Variants in NCOR1 observed in about 807,000 individuals in gnomAD.
NCOR1 encodes nuclear receptor corepressor 1.
NCOR1 carries 63 observed loss-of-function variants against 288.1 expected under a neutral mutation model. The ratio of observed to expected loss-of-function variants is 0.22; its 90% CI spans 0.18 to 0.27. The LOEUF is 0.27. Ranked by LOEUF, NCOR1 falls within the 10% of genes least tolerant of loss-of-function variation. The pLI is 1.00. For synonymous variants in NCOR1, 1,007 were observed against 1,065.9 expected, an observed-to-expected ratio of 0.94 and a Z score of 1.08; for missense variants, 2,397 against 3,019.2, an observed-to-expected ratio of 0.79 and a Z score of 4.83.
At chr17:16,196,947 G>A (rs1250116969) in intron 1 of NCOR1, among the ~76,000 whole-genome samples, 2 of 152,048 alleles carry the variant, frequency 1.3e-5, no homozygotes, top group Non-Finnish European at 2.9e-5. Context: ...AGCCCAGGAG[G>A]TCAAGACTGC....
chr17:16,031,520 G>A lies in NCOR1; in HGVS notation c.*776C>T, dbSNP rs566212236. The stretch of plus-strand genomic sequence containing the variant: ...AATTACCAGTGTGCGTAACAGTGAG[G>A]TATGCCTCAAATAAGCCTTTAAAAC... On this transcript the variant is annotated 3_prime_UTR_variant, in exon 46 of 46. Coordinates refer to ENST00000268712, the MANE Select transcript of NCOR1 (RefSeq NM_006311.4). The A allele has an allele frequency of 4.3e-5, 9 of 209,514 alleles. No homozygotes were observed. The East Asian group carries it at 6.5e-4, about 15-fold the overall frequency. The allele number at this position is 209,514 out of a possible 1,614,324, so 13.0% of individuals were successfully genotyped here. A position where few individuals can be genotyped will look rare whatever the true frequency, so the allele number is the denominator to read the frequency against.
chr17:16,206,709 G>C (rs930029921), intron 1 of NCOR1, among the ~76,000 whole-genome samples: 16 of 152,024 alleles, frequency 1.1e-4, no homozygotes, highest in Admixed American at 5.9e-4. Context: ...TCATGTACTA[G>C]AAATGGGATA....
Position 16,057,555 on chromosome 17 carries a change from T to C in NCOR1, c.6351A>G (p.Ser2117=), listed in dbSNP as rs1302753745. ...CCACAAGATTTTCTGGAGAGACCCTTGAACCTGGTCTTTGATGATGGACAG... is the reference window on the plus strand; with the variant it reads ...CCACAAGATTTTCTGGAGAGACCCTCGAACCTGGTCTTTGATGATGGACAG... The part of the protein sequence containing the change: ...AQSVHHQRPG[S]RVSPENLVDK... The change falls in exon 40 of 46, where the codon TCA becomes TCG. Residue 2117 remains serine, a synonymous_variant. Transcript: ENST00000268712. 1 of 1,614,176 alleles carries C rather than the reference T, an allele frequency of 6.2e-7. No individual in the cohort carries two copies.
chr17:16,149,556 A>C (rs2078542258), intron 8 of NCOR1, 39 bp from the exon 9 acceptor site: 4 of 1,078,864 alleles, frequency 3.7e-6, no homozygotes, highest in Admixed American at 2.4e-5. Context: ...ATTAAGAAAA[A>C]GCACAATTTA....
chr17:16,186,483 AT>A, intron 3 of NCOR1, 70 bp downstream of exon 3: 1 of 1,490,970 alleles, frequency 6.7e-7, no homozygotes, highest in Non-Finnish European at 9.0e-7. Flanking sequence ...AAGTAAAAAA[AT>A]AAAATAATGA....
At position 16,067,961 on chromosome 17, in the gene NCOR1, C is replaced by T; in HGVS notation, c.4674G>A (p.Glu1558=). 1 of 1,614,186 alleles carries T rather than the reference C, an allele frequency of 6.2e-7. No homozygotes were observed. Among genetic ancestry groups the T allele is most frequent in the Non-Finnish European group, 8.5e-7 (1 of 1,180,034 alleles). ...DPHHRGSTAG[E]VYRSHLPTHL... Reference sequence around the variant, plus strand: ...GCGTGGGCAGGTGGCTCCGATAAACCTCGCCTGCAGTGCTGCCTCTGTGAT... The same window carrying T: ...GCGTGGGCAGGTGGCTCCGATAAACTTCGCCTGCAGTGCTGCCTCTGTGAT... The change falls in exon 32 of 46, where the codon GAG becomes GAA. Residue 1558 remains glutamate, a synonymous_variant. Coordinates refer to ENST00000268712, the MANE Select transcript of NCOR1 (RefSeq NM_006311.4).
intron 44 of NCOR1, among the ~76,000 whole-genome samples, chr17:16,035,407 C>G (rs1023570676): frequency 6.6e-6 from 1 of 152,034 alleles, no homozygotes; most frequent in Admixed American, 6.6e-5. Flanking sequence ...GGGGCAGATT[C>G]AATCTCAAGA....
At chr17:16,175,109 TGTA>T (rs2083870437) in intron 3 of NCOR1, among the ~76,000 whole-genome samples, 1 of 151,856 alleles carries the variant, frequency 6.6e-6, no homozygotes, top group Non-Finnish European at 1.5e-5. Flanking sequence ...GGCTCACGCC[TGTA>T]ATCCCAAGAC....
rs61436082 is a variant in NCOR1 at position 16,154,015 on chromosome 17, CTTTTTTTTTT to C, written c.733-630_733-621del. ...ATATGTATTTGTAATATGCTATTTC[CTTTTTTTTTT>C]TTTTTTTTTTTTTTTATTTGAGACA... On this transcript the variant is annotated intron_variant, in intron 6 of 45. Coordinates refer to ENST00000268712, the MANE Select transcript of NCOR1 (RefSeq NM_006311.4). Among the ~76,000 whole-genome samples, 616 of 109,696 alleles carry C rather than the reference CTTTTTTTTTT, an allele frequency of 5.6e-3. 5 individuals are homozygous for C. Among genetic ancestry groups the C allele is most frequent in the Non-Finnish European group, 7.1e-3 (413 of 57,792 alleles). 72.0% of individuals were successfully genotyped at this position (109,696 alleles called of 152,430 possible).
chr17:16,079,027 G>A (rs2062969984), intron 26 of NCOR1, among the ~76,000 whole-genome samples: 1 of 152,118 alleles, frequency 6.6e-6, no homozygotes, highest in Non-Finnish European at 1.5e-5. Flanking sequence ...CTAGAGTGCG[G>A]ACTGACATTT....
chr17:16,107,137 C>T (rs1028547348), intron 19 of NCOR1, among the ~76,000 whole-genome samples: 22 of 151,688 alleles, frequency 1.5e-4, no homozygotes, highest in African/African-American at 5.1e-4. Flanking sequence ...CATCGTGTTC[C>T]GCCCTCCTGG....
intron 8 of NCOR1, among the ~76,000 whole-genome samples, chr17:16,150,704 G>GAA (rs555399256): frequency 2.2e-5 from 3 of 136,920 alleles, no homozygotes; most frequent in Non-Finnish European, 1.6e-5. Context: ...GGCTTTGTGG[G>GAA]AAAAAAAAAA....
At chr17:16,205,405 G>A (rs1048188404) in intron 1 of NCOR1, among the ~76,000 whole-genome samples, 4 of 145,270 alleles carry the variant, frequency 2.8e-5, no homozygotes, top group Admixed American at 2.1e-4. Flanking sequence ...GGTGGATCAC[G>A]TGAGGTCAGG....
chr17:16,143,277 C>T (rs2077403889), intron 11 of NCOR1, among the ~76,000 whole-genome samples: 1 of 152,188 alleles, frequency 6.6e-6, no homozygotes, highest in Non-Finnish European at 1.5e-5. Context: ...ACATCCCATC[C>T]ATCTTGGCCT....
chr17:16,192,862 A>G (rs2088806384), intron 2 of NCOR1, among the ~76,000 whole-genome samples: 1 of 152,230 alleles, frequency 6.6e-6, no homozygotes, highest in Non-Finnish European at 1.5e-5. Flanking sequence ...ACTCAACAAT[A>G]AAAAGGAATG....
rs936539340 is a variant in NCOR1, at chr17:16,178,394, G to A, written c.243-6399C>T. Among the ~76,000 whole-genome samples the A allele has an allele frequency of 6.0e-5, 9 of 150,264 alleles. No individual in the cohort carries two copies. The South Asian group carries it at 1.9e-3, about 32-fold the overall frequency. On this transcript the variant is annotated intron_variant, in intron 3 of 45. Coordinates refer to ENST00000268712, the MANE Select transcript of NCOR1 (RefSeq NM_006311.4). ...TGAGCCTGTAGTCCCAGCTACTCGG[G>A]AGGCTAAGGCAGGAGAATTGCTTGA...
Position 16,031,240 on chromosome 17 carries a change from C to T in NCOR1, c.*1056G>A, listed in dbSNP as rs1971931681. 1 of 198,632 alleles carries T rather than the reference C, an allele frequency of 5.0e-6. No individual in the cohort carries two copies. The highest frequency in any genetic ancestry group is 1.0e-5 in the Non-Finnish European group (1 of 96,028). 12.3% of individuals were successfully genotyped at this position (198,632 alleles called of 1,614,324 possible). A position where few individuals can be genotyped will look rare whatever the true frequency, so the allele number is the denominator to read the frequency against. ...TGATGGGGAAAAAGGACTGTGTTCA[C>T]CATGAGTTTTTCAGGATGCAGCATA... On this transcript the variant is annotated 3_prime_UTR_variant, in exon 46 of 46. Coordinates refer to ENST00000268712, the MANE Select transcript of NCOR1 (RefSeq NM_006311.4).
chr17:16,052,520 TG>T (rs1411720266), intron 40 of NCOR1, among the ~76,000 whole-genome samples: 1 of 152,218 alleles, frequency 6.6e-6, no homozygotes, highest in African/African-American at 2.4e-5. Context: ...GATAAATTTC[TG>T]GTCACATACA....
Position 16,076,961 on chromosome 17 carries a change from C to T in NCOR1, c.3502-1259G>A, listed in dbSNP as rs115127943. On this transcript the variant is annotated intron_variant, in intron 26 of 45. Transcript: ENST00000268712. ...CAATTCTCCACGACAACACCTGTGT[C>T]ACACAACCAATGCTTCAAAAATTGA... Among the ~76,000 whole-genome samples the T allele has an allele frequency of 4.1e-3, 629 of 152,358 alleles. 7 individuals carry two copies. Among genetic ancestry groups the T allele is most frequent in the African/African-American group, 0.015 (607 of 41,586 alleles).
Sources: allele counts gnomAD v4.1 joint callset (sites outside exome capture counted in the v4.1 genomes callset), GRCh38; gene constraint gnomAD v4.1.1; transcripts MANE v1.5; gene names NCBI Gene and HGNC (gene_info 2026-07-23, HGNC 2026-07-21).